TTC7B: variants seen among roughly 807,000 people sequenced by gnomAD.
TTC7B encodes tetratricopeptide repeat domain 7B.
Under a neutral mutation model 106.8 loss-of-function variants are expected in TTC7B, and 28 were observed. That is an observed-to-expected ratio of 0.26 (90% CI 0.19 to 0.36). The LOEUF (loss-of-function observed/expected upper bound fraction) is 0.36. Among genes scored for constraint, TTC7B ranks in the 10% least tolerant of loss-of-function variants. The pLI is 1.00. For missense variants in TTC7B, 862 were observed against 1,076.4 expected (o/e 0.80, Z 2.79); for synonymous variants, 405 against 430.6 (o/e 0.94, Z 0.74).
At position 90,533,302 on chromosome 14, in the gene TTC7B, G is replaced by A. The variant is rs937482946; in HGVS notation, c.*8066C>T. ...TGTGGGGTCAAGGAGGCAAAGACAAGAGTGGTGGCGGTCACAGAGGCCCCC... is the reference window on the plus strand; with the variant it reads ...TGTGGGGTCAAGGAGGCAAAGACAAAAGTGGTGGCGGTCACAGAGGCCCCC... On this transcript the variant is annotated 3_prime_UTR_variant, in exon 20 of 20. Coordinates refer to ENST00000328459, the MANE Select transcript of TTC7B (RefSeq NM_001010854.2). 2 of 152,612 alleles carry A rather than the reference G, an allele frequency of 1.3e-5. No homozygotes were observed. The highest frequency in any genetic ancestry group is 2.9e-5 in the Non-Finnish European group (2 of 68,376). The allele number at this position is 152,612 out of a possible 1,614,324, so 9.5% of individuals were successfully genotyped here.
intron 6 of TTC7B, among the ~76,000 whole-genome samples, chr14:90,691,198 C>A (rs72693589): frequency 1.3e-5 from 2 of 152,016 alleles, no homozygotes; most frequent in African/African-American, 2.4e-5. Flanking sequence ...AAAAAATGAA[C>A]GAGGAATTTC....
Position 90,526,334 on chromosome 14 carries a change from AT to A in TTC7B, c.*15033del, listed in dbSNP as rs1889150651. 6.6e-6 allele frequency: 1 copy of A among 152,278 alleles called. No individual in the cohort carries two copies. The highest frequency in any genetic ancestry group is 1.5e-5 in the Non-Finnish European group (1 of 68,052). The allele number at this position is 152,278 out of a possible 1,614,324, so 9.4% of individuals were successfully genotyped here. A position where few individuals can be genotyped will look rare whatever the true frequency, so the allele number is the denominator to read the frequency against. On this transcript the variant is annotated 3_prime_UTR_variant, in exon 20 of 20. Coordinates refer to ENST00000328459, the MANE Select transcript of TTC7B (RefSeq NM_001010854.2). ...GGCCTAGACCTTACTTTAAAAAAAA[AT>A]AAACTATTAAGTTTGGGATAATTTT...
intron 7 of TTC7B, among the ~76,000 whole-genome samples, chr14:90,684,472 A>C (rs1184741236): frequency 6.6e-6 from 1 of 152,180 alleles, no homozygotes; most frequent in Non-Finnish European, 1.5e-5. Flanking sequence ...CCAAATGGGA[A>C]ACAACTCAAA....
In TTC7B at chr14:90,788,113, G is replaced by A. The variant is rs144764260; in HGVS notation, c.122-1785C>T. Among the ~76,000 whole-genome samples, 38 of 152,186 alleles carry A rather than the reference G, an allele frequency of 2.5e-4. No individual in the cohort carries two copies. In the East Asian group the frequency reaches 7.0e-3, roughly 28 times the overall value. Reference sequence around the variant, plus strand: ...CCAGGAGTGGAAGTTGCAGTGAGCCGATATTGCATCACTGTACCCCAGCCT... The same window carrying A: ...CCAGGAGTGGAAGTTGCAGTGAGCCAATATTGCATCACTGTACCCCAGCCT... On this transcript the variant is annotated intron_variant, in intron 1 of 19. Coordinates refer to ENST00000328459, the MANE Select transcript of TTC7B (RefSeq NM_001010854.2).
intron 3 of TTC7B, among the ~76,000 whole-genome samples, chr14:90,764,388 A>G (rs1347730639): frequency 6.6e-6 from 1 of 152,164 alleles, no homozygotes; most frequent in Non-Finnish European, 1.5e-5. Context: ...AAATCTTCAT[A>G]AACTTGACTA....
rs528581764 is a variant in TTC7B at position 90,593,769 on chromosome 14, G to A, written c.1967-143C>T. On this transcript the variant is annotated intron_variant, in intron 17 of 19. Coordinates refer to ENST00000328459, the MANE Select transcript of TTC7B (RefSeq NM_001010854.2). ...AGATTTACTGTCCACAGAGAAACGCGGGCAATCACGGCCCGGGGCCTTAGT... is the reference window on the plus strand; with the variant it reads ...AGATTTACTGTCCACAGAGAAACGCAGGCAATCACGGCCCGGGGCCTTAGT... 11 of 786,088 alleles carry A rather than the reference G, an allele frequency of 1.4e-5. No individual in the cohort carries two copies. In the East Asian group the frequency reaches 1.6e-4, roughly 11 times the overall value. 48.7% of individuals were successfully genotyped at this position (786,088 alleles called of 1,614,324 possible).
chr14:90,722,531 A>G (rs1009785061), intron 5 of TTC7B, among the ~76,000 whole-genome samples: 1 of 152,192 alleles, frequency 6.6e-6, no homozygotes, highest in Non-Finnish European at 1.5e-5. Context: ...TCATTCTGCC[A>G]TCGGTCCTTC....
intron 4 of TTC7B, among the ~76,000 whole-genome samples, chr14:90,735,811 A>T (rs1889500829): frequency 6.6e-6 from 1 of 152,196 alleles, no homozygotes; most frequent in African/African-American, 2.4e-5. Flanking sequence ...CTCCAAATTA[A>T]TGTATGGAAT....
chr14:90,571,504 C>T (rs1030547777), intron 19 of TTC7B, among the ~76,000 whole-genome samples: 2 of 152,058 alleles, frequency 1.3e-5, no homozygotes, highest in African/African-American at 4.8e-5. Flanking sequence ...ATAAGCCTTG[C>T]TCTAGAGGAA....
chr14:90,525,974 T>TAA lies in TTC7B; in HGVS notation c.*15392_*15393dup, dbSNP rs550006682. 3 of 136,892 alleles carry TAA rather than the reference T, an allele frequency of 2.2e-5. No individual in the cohort carries two copies. Among genetic ancestry groups the TAA allele is most frequent in the African/African-American group, 8.2e-5 (3 of 36,624 alleles). 8.5% of individuals were successfully genotyped at this position (136,892 alleles called of 1,614,324 possible). On this transcript the variant is annotated 3_prime_UTR_variant, in exon 20 of 20. Transcript: ENST00000328459. ...CGATTGGTTAAAAAATAAAAAAAAA[T>TAA]AAAAAAAATAAAAAAAAAAAAGAAG...
chr14:90,787,252 T>A (rs1278157830), intron 1 of TTC7B, among the ~76,000 whole-genome samples: 3 of 152,232 alleles, frequency 2.0e-5, no homozygotes, highest in Non-Finnish European at 2.9e-5. Flanking sequence ...CTTGTTGATG[T>A]CTATATTGGC....
Position 90,600,607 on chromosome 14 carries a change from T to C in TTC7B, c.1967-6981A>G, listed in dbSNP as rs1892385520. 6.6e-6 allele frequency among the ~76,000 whole-genome samples: 1 copy of C among 152,086 alleles called. No individual in the cohort carries two copies. The highest frequency in any genetic ancestry group is 1.5e-5 in the Non-Finnish European group (1 of 67,998). ...TTTAAACCTGACAGCACACGTCTTG[T>C]CCTGAAAGGGGGAAGCTCTTTCCAG... On this transcript the variant is annotated intron_variant, in intron 17 of 19. Transcript: ENST00000328459. This position sits in a 1 kb window ranked among gnomAD's most constrained non-coding sequence, Gnocchi z 4.3.
chr14:90,644,771 C>T (rs1885361113), intron 14 of TTC7B: 1 of 152,262 alleles, frequency 6.6e-6, no homozygotes, highest in Non-Finnish European at 1.5e-5. Context: ...CTCCACTAGA[C>T]ATCAAGGAAA....
At chr14:90,638,564 A>G (rs1311096924) in intron 15 of TTC7B, among the ~76,000 whole-genome samples, 3 of 152,246 alleles carry the variant, frequency 2.0e-5, no homozygotes, top group East Asian at 3.8e-4. Context: ...TTAAAAAATT[A>G]TAAAAACATC....
chr14:90,575,761 C>A lies in TTC7B; in HGVS notation c.2310+2345G>T, dbSNP rs528491926. On this transcript the variant is annotated intron_variant, in intron 19 of 19. Coordinates refer to ENST00000328459, the MANE Select transcript of TTC7B (RefSeq NM_001010854.2). The surrounding 1 kb of genome is among the most constrained non-coding windows in gnomAD (Gnocchi z 5.2). ...AGTCACTGGGCAAAGTTTCTGACTG[C>A]GAGACTCTAAACTCCTCAAATCTGT... Among the ~76,000 whole-genome samples, 1 of 152,208 alleles carries A rather than the reference C, an allele frequency of 6.6e-6. No individual in the cohort carries two copies. The highest frequency in any genetic ancestry group is 1.5e-5 in the Non-Finnish European group (1 of 68,034).
chr14:90,688,676 T>G, intron 7 of TTC7B, among the ~76,000 whole-genome samples: 1 of 140,124 alleles, frequency 7.1e-6, no homozygotes, highest in Non-Finnish European at 1.5e-5. Flanking sequence ...GGTGTGGTGG[T>G]ATGTGCCTGT....
chr14:90,560,118 GCTCCCGT>G (rs1024113563), intron 19 of TTC7B, among the ~76,000 whole-genome samples: 11 of 152,234 alleles, frequency 7.2e-5, no homozygotes, highest in African/African-American at 2.7e-4. Flanking sequence ...TCCTGACTCT[GCTCCCGT>G]CTCCTGTGCC....
chr14:90,696,314 C>T (rs1887745101), intron 5 of TTC7B, among the ~76,000 whole-genome samples: 1 of 152,238 alleles, frequency 6.6e-6, no homozygotes, highest in Admixed American at 6.5e-5. Context: ...TCAAGCCCCA[C>T]TTGTCCTCTC....
intron 14 of TTC7B, chr14:90,645,010 C>T (rs1037444154): frequency 3.3e-5 from 5 of 152,270 alleles, no homozygotes; most frequent in Admixed American, 2.0e-4. Flanking sequence ...TATGTGACAC[C>T]CTGGATTCCA....
Sources: allele counts gnomAD v4.1 joint callset (sites outside exome capture counted in the v4.1 genomes callset), GRCh38; gene constraint gnomAD v4.1.1; non-coding constraint Gnocchi (gnomAD v3.1); transcripts MANE v1.5; gene names NCBI Gene and HGNC (gene_info 2026-07-23, HGNC 2026-07-21).